Variants in KDM7A observed in about 807,000 individuals in gnomAD.
KDM7A encodes the protein lysine demethylase 7A, also known as lysine-specific demethylase 7A.
KDM7A carries 28 observed loss-of-function variants against 114.8 expected under a neutral mutation model. The observed-to-expected ratio is 0.24, with a 90% CI of 0.18 to 0.33. The LOEUF (loss-of-function observed/expected upper bound fraction) is 0.33. KDM7A is among the 10% of genes least tolerant of loss of function. The probability of loss-of-function intolerance (pLI) is 1.00; values close to 1 mark genes in which losing one functional copy is unlikely to be tolerated. For synonymous variants in KDM7A, 423 were observed against 397.8 expected (o/e 1.06, Z -0.75); for missense variants, 942 against 1,142.5 (o/e 0.82, Z 2.53).
At chr7:140,143,387 A>G (rs541794865) in intron 1 of KDM7A, among the ~76,000 whole-genome samples, 2 of 152,252 alleles carry the variant, frequency 1.3e-5, no homozygotes, top group Admixed American at 6.5e-5. Context: ...CTGGGGTTCT[A>G]GACAATTATT....
chr7:140,095,410 A>G (rs1818089833), intron 17 of KDM7A, among the ~76,000 whole-genome samples: 1 of 152,186 alleles, frequency 6.6e-6, no homozygotes, highest in South Asian at 2.1e-4. Flanking sequence ...CCAAACTTCA[A>G]TTTCCTCTTA....
chr7:140,092,113 A>T (rs1231534070), intron 18 of KDM7A, 36 bp from the exon 19 acceptor site: 1 of 1,608,406 alleles, frequency 6.2e-7, no homozygotes, highest in Admixed American at 1.7e-5. Flanking sequence ...CTGAATTTTT[A>T]GGGTTTAAAT....
chr7:140,133,530 T>C lies in KDM7A; in HGVS notation c.398+9A>G, dbSNP rs750899861. 1 of 1,451,542 alleles carries C rather than the reference T, an allele frequency of 6.9e-7. No homozygotes were observed. The highest frequency in any genetic ancestry group is 1.1e-5 in the South Asian group (1 of 87,066). The allele number at this position is 1,451,542 out of a possible 1,614,324, so 89.9% of individuals were successfully genotyped here. On this transcript the variant is annotated intron_variant, in intron 3 of 19. Coordinates refer to ENST00000397560, the MANE Select transcript of KDM7A (RefSeq NM_030647.2). ...TTACATTTTCTTTTATCAGAGTAAG[T>C]TTCCATACCTTGGGAAGACTCGAGA... is the stretch of plus-strand genomic sequence containing the variant.
chr7:140,155,684 G>C (rs78287620), intron 1 of KDM7A, among the ~76,000 whole-genome samples: 8,906 of 152,256 alleles, frequency 0.058, 335 homozygotes, highest in East Asian at 0.13. Context: ...CAAGGAAGGA[G>C]ATAAAACACC....
At position 140,137,454 on chromosome 7, in the gene KDM7A, G is replaced by T. The variant is rs114562025; in HGVS notation, c.280+1651C>A. On this transcript the variant is annotated intron_variant, in intron 2 of 19. Coordinates refer to ENST00000397560, the MANE Select transcript of KDM7A (RefSeq NM_030647.2). ...TATACTTAAATTCTAAACTAAAACT[G>T]CTATAAATTTTAGTTAAGTCTCCCT... Among the ~76,000 whole-genome samples the T allele has an allele frequency of 4.3e-3, 656 of 152,188 alleles. 8 individuals carry two copies. Among genetic ancestry groups the T allele is most frequent in the African/African-American group, 0.014 (597 of 41,514 alleles).
At chr7:140,097,075 G>A in intron 15 of KDM7A, 28 bp from the exon 16 acceptor site, 3 of 1,580,066 alleles carry the variant, frequency 1.9e-6, no homozygotes, top group Non-Finnish European at 2.6e-6. Flanking sequence ...TGGAAACAAA[G>A]CTACATAAGA....
At chr7:140,128,244 C>T (rs1818736145) in intron 4 of KDM7A, among the ~76,000 whole-genome samples, 1 of 152,132 alleles carries the variant, frequency 6.6e-6, no homozygotes, top group African/African-American at 2.4e-5. Context: ...GTTTACAGAC[C>T]ACTGCACTGC....
Position 140,102,164 on chromosome 7 carries a change from T to C in KDM7A, c.1429-4A>G, listed in dbSNP as rs1818241069. 1.2e-6 allele frequency: 2 copies of C among 1,602,174 alleles called. No individual in the cohort carries two copies. The highest frequency in any genetic ancestry group is 1.7e-6 in the Non-Finnish European group (2 of 1,169,198). On this transcript the variant is annotated splice_polypyrimidine_tract_variant and splice_region_variant and intron_variant, in intron 11 of 19. Transcript: ENST00000397560. ...TAACTGGTTTGCCGTTTTCCTCCTTTAAGAATTAAAATCAGAGTATTTTTA... is the reference window on the plus strand; with the variant it reads ...TAACTGGTTTGCCGTTTTCCTCCTTCAAGAATTAAAATCAGAGTATTTTTA...
intron 11 of KDM7A, among the ~76,000 whole-genome samples, chr7:140,110,438 T>A (rs757605091): frequency 6.6e-6 from 1 of 152,190 alleles, no homozygotes; most frequent in Non-Finnish European, 1.5e-5. Context: ...TTTGTAAATG[T>A]ATACCTCTTT....
At chr7:140,098,086 G>A (rs1818144628) in intron 14 of KDM7A, among the ~76,000 whole-genome samples, 1 of 152,192 alleles carries the variant, frequency 6.6e-6, no homozygotes, top group Admixed American at 6.5e-5. Flanking sequence ...GTTCTTTCAT[G>A]AGTCACTAAC....
chr7:140,152,343 G>C (rs955746531), intron 1 of KDM7A, among the ~76,000 whole-genome samples: 9 of 152,140 alleles, frequency 5.9e-5, no homozygotes, highest in African/African-American at 2.2e-4. Flanking sequence ...TTTAATACAT[G>C]GCCAGAAGTG....
chr7:140,158,143 A>G (rs1051713779), intron 1 of KDM7A, among the ~76,000 whole-genome samples: 8 of 152,160 alleles, frequency 5.3e-5, no homozygotes, highest in Admixed American at 2.6e-4. Flanking sequence ...TTAAAAAGAA[A>G]GGAAGAAATT....
intron 2 of KDM7A, among the ~76,000 whole-genome samples, chr7:140,134,878 C>A (rs1356869881): frequency 2.0e-5 from 3 of 151,902 alleles, no homozygotes; most frequent in Admixed American, 6.6e-5. Flanking sequence ...TTACAAAGAT[C>A]ACAGTAATAC....
intron 2 of KDM7A, among the ~76,000 whole-genome samples, chr7:140,137,136 G>A (rs994685673): frequency 2.0e-5 from 3 of 152,186 alleles, no homozygotes; most frequent in African/African-American, 7.2e-5. Flanking sequence ...ACTGGATCTT[G>A]GGTGTTTTCC....
chr7:140,100,723 T>TAC (rs1818205555), intron 12 of KDM7A, among the ~76,000 whole-genome samples: 1 of 59,342 alleles, frequency 1.7e-5, no homozygotes, highest in Admixed American at 1.9e-4. Flanking sequence ...TATATATATA[T>TAC]ATATATATAT....
At chr7:140,171,693 C>T (rs561894079) in intron 1 of KDM7A, among the ~76,000 whole-genome samples, 1 of 150,142 alleles carries the variant, frequency 6.7e-6, no homozygotes, top group South Asian at 2.1e-4. Context: ...CCCTCTCAGT[C>T]AATTCCCACC....
At chr7:140,135,415 A>C (rs538227137) in intron 2 of KDM7A, among the ~76,000 whole-genome samples, 42 of 152,024 alleles carry the variant, frequency 2.8e-4, no homozygotes, top group East Asian at 2.3e-3. Context: ...GTTGGCCAGG[A>C]TGGTCTCGAT....
intron 9 of KDM7A, 69 bp downstream of exon 9, chr7:140,119,044 A>G (rs1307886886): frequency 8.3e-6 from 7 of 847,184 alleles, no homozygotes; most frequent in African/African-American, 1.7e-5. Flanking sequence ...TCTTTCTGTC[A>G]GGTGGCTATG....
chr7:140,101,716 A>G (rs920366535), intron 12 of KDM7A, among the ~76,000 whole-genome samples: 7 of 152,188 alleles, frequency 4.6e-5, no homozygotes, highest in African/African-American at 1.4e-4. Context: ...GGTACTTGCT[A>G]AAGACTCAAT....
Sources: gnomAD v4.1 joint callset for allele counts (sites outside exome capture counted in the v4.1 genomes callset) on GRCh38, gnomAD v4.1.1 for gene constraint, MANE v1.5 for transcripts, NCBI Gene and HGNC (gene_info 2026-07-23, HGNC 2026-07-21) for gene names.